EYA4: variants seen among roughly 807,000 people sequenced by gnomAD.
The protein encoded by EYA4 is EYA transcriptional coactivator and phosphatase 4.
A neutral mutation model predicts 87.9 loss-of-function variants in EYA4; 31 were observed. The observed-to-expected ratio is 0.35, with a 90% CI of 0.27 to 0.48. EYA4 has a LOEUF of 0.48. Ranked by LOEUF, EYA4 falls within the 20% of genes least tolerant of loss-of-function variation. The pLI is 0.99. For synonymous variants in EYA4, 263 were observed against 270.6 expected (o/e 0.97, Z 0.28); for missense variants, 678 against 761.4 (o/e 0.89, Z 1.29).
intron 13 of EYA4, among the ~76,000 whole-genome samples, chr6:133,488,314 C>A (rs191336598): frequency 2.0e-4 from 30 of 152,228 alleles, no homozygotes; most frequent in Non-Finnish European, 3.4e-4. Flanking sequence ...TGTAGACCCA[C>A]CAGGGACCAG....
chr6:133,506,343 A>G (rs1307068883), intron 14 of EYA4, 148 bp downstream of exon 14: 1 of 583,098 alleles, frequency 1.7e-6, no homozygotes, highest in African/African-American at 1.9e-5. Context: ...AAAATTGTAT[A>G]TACAAATATA....
At chr6:133,435,034 C>T (rs551382963) in intron 3 of EYA4, 4 of 152,180 alleles carry the variant, frequency 2.6e-5, no homozygotes, top group African/African-American at 4.8e-5. Context: ...CTTTGTTTTC[C>T]GATTAAGGGG....
intron 3 of EYA4, among the ~76,000 whole-genome samples, chr6:133,432,412 G>A (rs1277189432): frequency 6.6e-6 from 1 of 152,004 alleles, no homozygotes; most frequent in Non-Finnish European, 1.5e-5. Context: ...GCTGCATTGT[G>A]TTTGGATCAG....
intron 2 of EYA4, among the ~76,000 whole-genome samples, chr6:133,320,391 A>G (rs1026697399): frequency 1.6e-4 from 25 of 151,834 alleles, no homozygotes; most frequent in African/African-American, 6.0e-4. Flanking sequence ...AATAATTCTC[A>G]TTGTTAATTA....
In EYA4 at chr6:133,319,511, C is replaced by CT. The variant is rs34103179; in HGVS notation, c.33+44709dup. Among the ~76,000 whole-genome samples, 478 of 145,464 alleles carry CT rather than the reference C, an allele frequency of 3.3e-3. 4 individuals carry two copies. The highest frequency in any genetic ancestry group is 7.0e-3 in the Middle Eastern group (2 of 284). The stretch of plus-strand genomic sequence containing the variant: ...TCTCTTTGCTTATTGGATAGTGTCC[C>CT]TTTTTTTTTTTACCAGTCTTAATGA... On this transcript the variant is annotated intron_variant, in intron 2 of 19. Coordinates refer to ENST00000355286, the MANE Select transcript of EYA4 (RefSeq NM_004100.5).
intron 2 of EYA4, among the ~76,000 whole-genome samples, chr6:133,342,593 A>G (rs977519426): frequency 3.1e-5 from 3 of 97,908 alleles, no homozygotes; most frequent in Non-Finnish European, 6.2e-5. Flanking sequence ...ATATATATAT[A>G]TATATATATA....
chr6:133,326,613 T>G (rs1562292634), intron 2 of EYA4, among the ~76,000 whole-genome samples: 1 of 152,218 alleles, frequency 6.6e-6, no homozygotes, highest in Non-Finnish European at 1.5e-5. Context: ...GGCAAGGCTG[T>G]GTAACTGGCA....
chr6:133,519,097 A>C (rs1322175449), intron 17 of EYA4, among the ~76,000 whole-genome samples: 2 of 151,786 alleles, frequency 1.3e-5, no homozygotes, highest in Non-Finnish European at 2.9e-5. Context: ...CTAGAAAAGC[A>C]AGAGCAAACA....
At chr6:133,278,733 T>C (rs1777386570) in intron 2 of EYA4, among the ~76,000 whole-genome samples, 2 of 152,298 alleles carry the variant, frequency 1.3e-5, no homozygotes, top group East Asian at 1.9e-4. Context: ...CTGGCTCCTA[T>C]TTGGCATTCT....
intron 2 of EYA4, among the ~76,000 whole-genome samples, chr6:133,300,411 G>A (rs9493586): frequency 0.065 from 9,859 of 152,096 alleles, 659 homozygotes; most frequent in African/African-American, 0.17. Flanking sequence ...CAACTATGTG[G>A]CTGAAGATAC....
intron 3 of EYA4, among the ~76,000 whole-genome samples, chr6:133,430,085 G>A (rs894561180): frequency 7.2e-5 from 11 of 152,236 alleles, no homozygotes; most frequent in African/African-American, 2.6e-4. Flanking sequence ...AGTACTCAAT[G>A]TTTAGCTCCC....
In EYA4 at chr6:133,530,152, G is replaced by A. The variant is rs964015985; in HGVS notation, c.*1347G>A. The A allele has an allele frequency of 1.5e-5, 15 of 985,032 alleles. No homozygotes were observed. The Admixed American group carries it at 1.8e-4, about 12-fold the overall frequency. 61.0% of individuals were successfully genotyped at this position (985,032 alleles called of 1,614,324 possible). On this transcript the variant is annotated 3_prime_UTR_variant, in exon 20 of 20. Transcript: ENST00000355286. Reference sequence around the variant, plus strand: ...CATCATAAATTAAATTAGCAAGTGCGCTGGATCTTGGCAGCGCTGCTGAAA... The same window carrying A: ...CATCATAAATTAAATTAGCAAGTGCACTGGATCTTGGCAGCGCTGCTGAAA...
At chr6:133,274,901 G>C in intron 2 of EYA4, 88 bp downstream of exon 2, 1 of 985,210 alleles carries the variant, frequency 1.0e-6, no homozygotes, top group Admixed American at 1.8e-5. Context: ...TAAGAAGTAA[G>C]TTTTTCATTA....
chr6:133,423,709 T>C (rs1790412202), intron 3 of EYA4, among the ~76,000 whole-genome samples: 1 of 152,186 alleles, frequency 6.6e-6, no homozygotes, highest in Non-Finnish European at 1.5e-5. Flanking sequence ...GTTTGACATA[T>C]GTATGTGCCA....
chr6:133,400,376 C>G (rs1257277649), intron 3 of EYA4, among the ~76,000 whole-genome samples: 1 of 151,846 alleles, frequency 6.6e-6, no homozygotes, highest in African/African-American at 2.4e-5. Context: ...GGTGTGGTGG[C>G]GCACGCCTGT....
At chr6:133,409,021 T>C (rs1406951096) in intron 3 of EYA4, among the ~76,000 whole-genome samples, 1 of 152,184 alleles carries the variant, frequency 6.6e-6, no homozygotes, top group Non-Finnish European at 1.5e-5. Context: ...ATGAGTGAAA[T>C]GAAGTTAGTG....
rs9375962 is a variant in EYA4, at chr6:133,386,660, A to G, written c.83+4219A>G. Among the ~76,000 whole-genome samples, 26 of 152,286 alleles carry G rather than the reference A, an allele frequency of 1.7e-4. No homozygotes were observed. In the East Asian group the frequency reaches 5.0e-3, roughly 29 times the overall value. On this transcript the variant is annotated intron_variant, in intron 3 of 19. Coordinates refer to ENST00000355286, the MANE Select transcript of EYA4 (RefSeq NM_004100.5). ...TTTATACTCGTTTTGTTAACTAGAG[A>G]GTGAATAGAAATAGAAATTGTGGTG...
intron 13 of EYA4, among the ~76,000 whole-genome samples, chr6:133,495,001 G>T (rs1797512082): frequency 6.6e-6 from 1 of 152,112 alleles, no homozygotes; most frequent in South Asian, 2.1e-4. Flanking sequence ...AGGTGCGGTG[G>T]CTCACGCCTA....
At chr6:133,337,541 T>A (rs1782463398) in intron 2 of EYA4, among the ~76,000 whole-genome samples, 1 of 152,160 alleles carries the variant, frequency 6.6e-6, no homozygotes, top group South Asian at 2.1e-4. Context: ...TCATGGGTTT[T>A]GCAATCAAAA....
Sources: gnomAD v4.1 joint callset for allele counts (sites outside exome capture counted in the v4.1 genomes callset) on GRCh38, gnomAD v4.1.1 for gene constraint, MANE v1.5 for transcripts, NCBI Gene and HGNC (gene_info 2026-07-23, HGNC 2026-07-21) for gene names.